MLIP: variants seen among roughly 807,000 people sequenced by gnomAD.
The protein encoded by MLIP is muscular LMNA interacting protein, also known as muscular LMNA-interacting protein.
MLIP carries 79 observed loss-of-function variants against 84.8 expected under a neutral mutation model. That is an observed-to-expected ratio of 0.93 (90% CI 0.78 to 1.12). The LOEUF (loss-of-function observed/expected upper bound fraction) is 1.12, where lower values mean the gene tolerates loss of function less well. Ranked by LOEUF, MLIP falls within the 50% of genes most tolerant of loss-of-function variation. MLIP has a pLI of 0.00. For synonymous variants in MLIP, 504 were observed against 463.0 expected (o/e 1.09, Z -1.14); for missense variants, 1,257 against 1,160.6 (o/e 1.08, Z -1.21).
chr6:54,098,256 A>G (rs1223305917), intron 1 of MLIP, among the ~76,000 whole-genome samples: 1 of 150,566 alleles, frequency 6.6e-6, no homozygotes, highest in Non-Finnish European at 1.5e-5. Context: ...TCTGGGCTCA[A>G]GAGCTCCTCC....
At chr6:54,101,515 T>C (rs1036802209) in intron 1 of MLIP, among the ~76,000 whole-genome samples, 2 of 152,162 alleles carry the variant, frequency 1.3e-5, no homozygotes, top group Non-Finnish European at 2.9e-5. Flanking sequence ...GAGTAAGTTA[T>C]ATAGGATTAT....
rs1771892353 is a variant in MLIP at position 54,137,280 on chromosome 6, CA to C, written c.1212del (p.Val406Ter). On this transcript the variant is annotated frameshift_variant, in exon 4 of 14. Coordinates refer to ENST00000502396, the MANE Select transcript of MLIP (RefSeq NM_001281747.2). LOFTEE classifies it high-confidence loss of function. ...QMSSSGNLSKSGVKSPVPSRL... is the reference protein window; with the variant it reads ...QMSSSGNLSKXGVKSPVPSRL... ...TCATCTAGTGGAAATCTTTCAAAGT[CA>C]GGGGTAAAATCCCCGGTGCCTTCCC... 6.5e-7 allele frequency: 1 copy of C among 1,535,946 alleles called. No individual in the cohort carries two copies. The highest frequency in any genetic ancestry group is 2.0e-5 in the Admixed American group (1 of 50,956).
At chr6:54,230,040 G>A (rs1780873127) in intron 11 of MLIP, among the ~76,000 whole-genome samples, 1 of 152,016 alleles carries the variant, frequency 6.6e-6, no homozygotes, top group African/African-American at 2.4e-5. Flanking sequence ...TTTCCATGTT[G>A]AAGACCCACT....
chr6:54,203,318 T>C (rs1778817841), intron 11 of MLIP, among the ~76,000 whole-genome samples: 1 of 152,296 alleles, frequency 6.6e-6, no homozygotes, highest in Admixed American at 6.5e-5. Flanking sequence ...CAATGTAAGA[T>C]ATTCAGAAAA....
intron 1 of MLIP, among the ~76,000 whole-genome samples, chr6:54,067,082 C>T (rs1482888039): frequency 5.0e-5 from 5 of 100,144 alleles, no homozygotes; most frequent in African/African-American, 1.0e-4. Flanking sequence ...TGAAAATATT[C>T]GAGAAACCTT....
chr6:54,171,049 C>T (rs987964635), intron 9 of MLIP, among the ~76,000 whole-genome samples: 2 of 151,540 alleles, frequency 1.3e-5, no homozygotes, highest in African/African-American at 4.8e-5. Context: ...AGCAAAATGT[C>T]TCTAATTAGA....
intron 1 of MLIP, chr6:54,083,592 CT>C (rs1402514883): frequency 3.3e-6 from 5 of 1,535,910 alleles, no homozygotes; most frequent in Non-Finnish European, 3.5e-6. Flanking sequence ...CCATGTGCAG[CT>C]GGTACCTTGG....
intron 11 of MLIP, among the ~76,000 whole-genome samples, chr6:54,212,543 C>T (rs9382307): frequency 2.0e-4 from 31 of 152,210 alleles, no homozygotes; most frequent in Non-Finnish European, 3.8e-4. Flanking sequence ...GTATGTGTGC[C>T]TGTGTGTGTG....
chr6:54,050,659 C>T (rs777562200), intron 1 of MLIP, among the ~76,000 whole-genome samples: 23 of 152,026 alleles, frequency 1.5e-4, no homozygotes, highest in South Asian at 2.1e-4. Flanking sequence ...CTAAATTCAA[C>T]GTTTTTAATG....
chr6:54,224,875 G>C (rs1009741758), intron 11 of MLIP, among the ~76,000 whole-genome samples: 2 of 152,066 alleles, frequency 1.3e-5, no homozygotes, highest in African/African-American at 4.8e-5. Context: ...TAGAATAATA[G>C]TCTCCAGTCT....
At chr6:54,024,708 T>C (rs2150267864) in intron 1 of MLIP, among the ~76,000 whole-genome samples, 1 of 152,322 alleles carries the variant, frequency 6.6e-6, no homozygotes, top group Non-Finnish European at 1.5e-5. Context: ...ATTCTAAGTG[T>C]ACAAACCATT....
intron 1 of MLIP, chr6:54,046,833 G>A (rs749864974): frequency 6.6e-6 from 1 of 152,136 alleles, no homozygotes; most frequent in Non-Finnish European, 1.5e-5. Context: ...GTCAGACCTT[G>A]CAAATTAACT....
rs1775569652 is a variant in MLIP, at chr6:54,169,635, G to T, written c.2544+63G>T. 4 of 1,098,498 alleles carry T rather than the reference G, an allele frequency of 3.6e-6. No individual in the cohort carries two copies. The South Asian group carries it at 6.3e-5, about 17-fold the overall frequency. The allele number at this position is 1,098,498 out of a possible 1,614,324, so 68.0% of individuals were successfully genotyped here. On this transcript the variant is annotated intron_variant, in intron 9 of 13. Transcript: ENST00000502396. ...TGGGTGCCTGTGTATGCTTTAGAGA[G>T]AACACTATTATACAGTAATTTAAAT...
chr6:54,153,211 C>A (rs1299230593), intron 5 of MLIP, among the ~76,000 whole-genome samples: 1 of 150,458 alleles, frequency 6.6e-6, no homozygotes, highest in Non-Finnish European at 1.5e-5. Context: ...TTTTTTGGTG[C>A]AAGGAATATA....
At chr6:54,182,316 G>C (rs956835556) in intron 9 of MLIP, among the ~76,000 whole-genome samples, 1 of 152,140 alleles carries the variant, frequency 6.6e-6, no homozygotes, top group Admixed American at 6.5e-5. Context: ...TCAATGTAAT[G>C]TCCCCCAGTT....
At position 54,159,309 on chromosome 6, in the gene MLIP, A is replaced by G. The variant is rs556991278; in HGVS notation, c.2290-1058A>G. Among the ~76,000 whole-genome samples the G allele has an allele frequency of 4.6e-5, 7 of 152,186 alleles. No homozygotes were observed. The East Asian group carries it at 1.4e-3, about 30-fold the overall frequency. The stretch of plus-strand genomic sequence containing the variant: ...ACAGGTTTGAGACTGAATTTATACA[A>G]TCTCTGTGATAAAGAAAATATGTGC... On this transcript the variant is annotated intron_variant, in intron 5 of 13. Transcript: ENST00000502396.
At chr6:54,244,089 G>A (rs909443003) in intron 12 of MLIP, among the ~76,000 whole-genome samples, 12 of 151,994 alleles carry the variant, frequency 7.9e-5, no homozygotes, top group Non-Finnish European at 5.9e-5. Context: ...ATTGAAAAAA[G>A]TCATCTTGAA....
intron 9 of MLIP, among the ~76,000 whole-genome samples, chr6:54,187,469 G>A (rs964000791): frequency 3.9e-5 from 6 of 152,016 alleles, no homozygotes; most frequent in African/African-American, 9.7e-5. Flanking sequence ...ACATTATAAC[G>A]TGTTATAGAT....
intron 12 of MLIP, among the ~76,000 whole-genome samples, chr6:54,236,817 T>C (rs891901471): frequency 5.3e-5 from 8 of 152,112 alleles, no homozygotes; most frequent in African/African-American, 4.8e-5. Context: ...TGAGTTATAG[T>C]GCTGTTGGCC....
Sources: allele counts gnomAD v4.1 joint callset (sites outside exome capture counted in the v4.1 genomes callset), GRCh38; gene constraint gnomAD v4.1.1; transcripts MANE v1.5; gene names NCBI Gene and HGNC (gene_info 2026-07-23, HGNC 2026-07-21).